SMOC2: variants seen among roughly 807,000 people sequenced by gnomAD.
SMOC2 encodes the protein SPARC related modular calcium binding 2, also known as SPARC-related modular calcium-binding protein 2.
In SMOC2, 39 loss-of-function variants were observed where a neutral mutation model predicts 61.4. The observed-to-expected ratio is 0.64, with a 90% confidence interval of 0.49 to 0.83. The LOEUF is 0.83. SMOC2 is among the 40% of genes least tolerant of loss of function. The pLI is 0.00. For synonymous variants in SMOC2, 247 were observed against 239.9 expected, an observed-to-expected ratio of 1.03 and a Z score of -0.27; for missense variants, 556 against 592.9, an observed-to-expected ratio of 0.94 and a Z score of 0.65.
At chr6:168,606,362 A>G (rs900036544) in intron 8 of SMOC2, among the ~76,000 whole-genome samples, 1 of 152,150 alleles carries the variant, frequency 6.6e-6, no homozygotes, top group African/African-American at 2.4e-5. Context: ...TTTAATTTCA[A>G]AAACAATATT....
chr6:168,499,509 G>A (rs769198799), intron 1 of SMOC2, among the ~76,000 whole-genome samples: 1 of 152,220 alleles, frequency 6.6e-6, no homozygotes, highest in African/African-American at 2.4e-5. Flanking sequence ...TATGAAGTGT[G>A]CGGCAGATGG....
intron 1 of SMOC2, among the ~76,000 whole-genome samples, chr6:168,478,256 C>T (rs1229905364): frequency 6.6e-6 from 1 of 152,148 alleles, no homozygotes; most frequent in Non-Finnish European, 1.5e-5. Flanking sequence ...CACAAGAGGA[C>T]AGTCCAAAAT....
At chr6:168,592,496 G>A (rs1301988870) in intron 7 of SMOC2, among the ~76,000 whole-genome samples, 1 of 49,276 alleles carries the variant, frequency 2.0e-5, no homozygotes, top group Non-Finnish European at 4.2e-5. Flanking sequence ...AGAGGATCGC[G>A]GAGCTCCTCC....
chr6:168,636,194 T>C (rs1282537108), intron 9 of SMOC2, among the ~76,000 whole-genome samples: 1 of 152,162 alleles, frequency 6.6e-6, no homozygotes, highest in Non-Finnish European at 1.5e-5. Flanking sequence ...AATGCAGGTG[T>C]CCTCATTCCT....
chr6:168,622,671 G>C (rs1024561195), intron 9 of SMOC2, among the ~76,000 whole-genome samples: 1 of 152,182 alleles, frequency 6.6e-6, no homozygotes, highest in African/African-American at 2.4e-5. Flanking sequence ...TGCCTGTCTT[G>C]TCTTCCCACT....
At chr6:168,539,359 A>T (rs1479122127) in intron 4 of SMOC2, among the ~76,000 whole-genome samples, 1 of 152,194 alleles carries the variant, frequency 6.6e-6, no homozygotes, top group Non-Finnish European at 1.5e-5. Flanking sequence ...TCCGACTCCA[A>T]GGGCATCTCC....
At chr6:168,567,250 C>T (rs771881949) in intron 7 of SMOC2, among the ~76,000 whole-genome samples, 3 of 152,068 alleles carry the variant, frequency 2.0e-5, no homozygotes, top group African/African-American at 7.2e-5. Context: ...TTTATTGGCT[C>T]AATAATTTTT....
rs1324562433 is a variant in SMOC2, at chr6:168,544,564, T to A, written c.511+892T>A. On this transcript the variant is annotated intron_variant, in intron 5 of 12. Transcript: ENST00000356284. This position sits in a 1 kb window ranked among gnomAD's most constrained non-coding sequence, Gnocchi z 4.1. ...GGTGCATGCCTGTAATCCCAGGTAG[T>A]CAGGAGGTTGAGGCAGGAGAATTGC... Among the ~76,000 whole-genome samples, 1 of 151,984 alleles carries A rather than the reference T, an allele frequency of 6.6e-6. No homozygotes were observed.
At chr6:168,564,680 A>G (rs1583114398) in intron 7 of SMOC2, among the ~76,000 whole-genome samples, 1 of 152,116 alleles carries the variant, frequency 6.6e-6, no homozygotes, top group African/African-American at 2.4e-5. Context: ...TTTTGTGGCT[A>G]TGCTTTTGGT....
In SMOC2 at chr6:168,441,226, C is replaced by G. The variant is rs779248464; in HGVS notation, c.-145C>G. The G allele has an allele frequency of 3.1e-6, 4 of 1,270,312 alleles. No individual in the cohort carries two copies. Among genetic ancestry groups the G allele is most frequent in the Non-Finnish European group, 4.0e-6 (4 of 992,388 alleles). 78.7% of individuals were successfully genotyped at this position (1,270,312 alleles called of 1,614,324 possible). ...GGTGCCTGCAGGGGAGCTGCTCCAG[C>G]CGGGCCGCCGGGAGCGGTGGGGAGA... is the stretch of plus-strand genomic sequence containing the variant. On this transcript the variant is annotated 5_prime_UTR_variant, in exon 1 of 13. Coordinates refer to ENST00000356284, the MANE Select transcript of SMOC2 (RefSeq NM_001166412.2).
intron 7 of SMOC2, among the ~76,000 whole-genome samples, chr6:168,556,962 A>G (rs1784267462): frequency 6.6e-6 from 1 of 151,942 alleles, no homozygotes; most frequent in South Asian, 2.1e-4. Context: ...CTTGATGTTC[A>G]GGACATCCCG....
chr6:168,519,229 A>T (rs916535351), intron 2 of SMOC2, among the ~76,000 whole-genome samples: 26 of 145,582 alleles, frequency 1.8e-4, no homozygotes, highest in African/African-American at 6.4e-4. Context: ...GAGAGTGTGT[A>T]TACGTGCATG....
intron 1 of SMOC2, among the ~76,000 whole-genome samples, chr6:168,470,802 G>T (rs1781953411): frequency 6.6e-6 from 1 of 152,026 alleles, no homozygotes; most frequent in African/African-American, 2.4e-5. Context: ...CTATTCCAGG[G>T]TTCCATGGAA....
intron 2 of SMOC2, among the ~76,000 whole-genome samples, chr6:168,518,988 T>A (rs1783243506): frequency 6.6e-6 from 1 of 151,254 alleles, no homozygotes. Flanking sequence ...TGCATGCGTG[T>A]GTATGCGTGC....
intron 3 of SMOC2, among the ~76,000 whole-genome samples, chr6:168,526,696 G>A (rs1783462541): frequency 6.6e-6 from 1 of 152,228 alleles, no homozygotes; most frequent in South Asian, 2.1e-4. Flanking sequence ...CATTGCTGCT[G>A]TCATTCACAC....
chr6:168,639,786 A>C (rs1786844977), intron 9 of SMOC2, among the ~76,000 whole-genome samples: 1 of 152,198 alleles, frequency 6.6e-6, no homozygotes, highest in East Asian at 1.9e-4. Flanking sequence ...TGCTACTTGC[A>C]TCCCTCATTT....
intron 1 of SMOC2, among the ~76,000 whole-genome samples, chr6:168,469,132 G>T (rs542484703): frequency 5.4e-4 from 82 of 152,212 alleles, no homozygotes; most frequent in Non-Finnish European, 9.8e-4. Flanking sequence ...GGCCAACATG[G>T]CCCTTCTGTT....
rs367991904 is a variant in SMOC2, at chr6:168,509,967, G to A, written c.137G>A (p.Gly46Asp). The A allele has an allele frequency of 8.7e-6, 14 of 1,614,040 alleles. No homozygotes were observed. The East Asian group carries it at 1.8e-4, about 21-fold the overall frequency. The change falls in exon 2 of 13, where the codon GGT becomes GAT. Residue 46 changes from glycine (G) to aspartate (D), a missense_variant. By Grantham distance (94) the Gly-to-Asp change is moderately conservative. Coordinates refer to ENST00000356284, the MANE Select transcript of SMOC2 (RefSeq NM_001166412.2). Reference protein sequence around the residue: ...KDKDCSLDCAGSPQKPLCASD... With the variant: ...KDKDCSLDCADSPQKPLCASD... ...AAGGATTGTAGCTTGGACTGTGCGG[G>A]TTCGCCCCAGAAACCTCTCTGCGCA...
chr6:168,608,630 C>T (rs1454329561), intron 9 of SMOC2, among the ~76,000 whole-genome samples: 1 of 152,180 alleles, frequency 6.6e-6, no homozygotes, highest in Non-Finnish European at 1.5e-5. Context: ...ACTGAATCAA[C>T]AGTTCATGAA....
Sources: gnomAD v4.1 joint callset for allele counts (sites outside exome capture counted in the v4.1 genomes callset) on GRCh38, gnomAD v4.1.1 for gene constraint, Gnocchi (gnomAD v3.1) non-coding constraint, MANE v1.5 for transcripts, NCBI Gene and HGNC (gene_info 2026-07-23, HGNC 2026-07-21) for gene names.